CEP192: variants seen among roughly 807,000 people sequenced by gnomAD.
The protein encoded by CEP192 is centrosomal protein 192, also known as centrosomal protein of 192 kDa.
A neutral mutation model predicts 271.8 loss-of-function variants in CEP192; 151 were observed. That is an observed-to-expected ratio of 0.56 (90% CI 0.49 to 0.64). CEP192 has a LOEUF of 0.64. CEP192 is among the 30% of genes least tolerant of loss of function. The probability of loss-of-function intolerance (pLI) is 0.00; values close to 1 mark genes in which losing one functional copy is unlikely to be tolerated. For missense variants in CEP192, 2,910 were observed against 3,020.5 expected (o/e 0.96, Z 0.86); for synonymous variants, 995 against 1,076.5 (o/e 0.92, Z 1.48).
chr18:13,089,653 G>A (rs1428523335), intron 33 of CEP192, 88 bp downstream of exon 33: 8 of 655,294 alleles, frequency 1.2e-5, no homozygotes, highest in African/African-American at 1.1e-4. Context: ...TAAGAAGGAA[G>A]TGTTAGTTTA....
In CEP192 at chr18:13,087,593, A is replaced by G. The variant is rs770924556; in HGVS notation, c.5940A>G (p.Leu1980=). Residue 1980 remains leucine, a synonymous_variant, in exon 32 of 45, where the codon CTA becomes CTG. Transcript: ENST00000506447. ...RGINNKTATE[L]STVYLFGGDE... is the part of the protein sequence containing the mutation. ...TCAATAATAAAACTGCAACAGAACT[A>G]TCAACTGTATACTTATTTGGTGGAG... 32 of 1,587,202 alleles carry G rather than the reference A, an allele frequency of 2.0e-5. No homozygotes were observed. In the Middle Eastern group the frequency reaches 8.3e-4, roughly 41 times the overall value.
At chr18:13,034,534 G>A (rs1024894307) in intron 11 of CEP192, among the ~76,000 whole-genome samples, 1 of 151,970 alleles carries the variant, frequency 6.6e-6, no homozygotes, top group South Asian at 2.1e-4. Context: ...TCGGCCGGGC[G>A]CAGTGGCTTA....
chr18:13,001,367 G>T, intron 2 of CEP192, 90 bp from the exon 3 acceptor site: 2 of 818,194 alleles, frequency 2.4e-6, no homozygotes, highest in Non-Finnish European at 3.7e-6. Flanking sequence ...CCCGGTGGTT[G>T]GTTTTACTGT....
intron 9 of CEP192, among the ~76,000 whole-genome samples, chr18:13,027,144 A>G (rs1461184200): frequency 2.0e-5 from 3 of 152,104 alleles, no homozygotes. Context: ...CTTAGGATGG[A>G]CAGGGTGGCT....
At chr18:13,055,536 T>G (rs1389168386) in intron 18 of CEP192, among the ~76,000 whole-genome samples, 2 of 152,230 alleles carry the variant, frequency 1.3e-5, no homozygotes, top group South Asian at 4.1e-4. Context: ...TCAGATATTC[T>G]TAGTGTATAC....
At chr18:13,011,198 G>T (rs1413450918) in intron 4 of CEP192, among the ~76,000 whole-genome samples, 2 of 147,132 alleles carry the variant, frequency 1.4e-5, no homozygotes, top group South Asian at 2.2e-4. Context: ...CTGCATTCCA[G>T]CCTGGGTGAC....
intron 30 of CEP192, among the ~76,000 whole-genome samples, chr18:13,086,491 G>A (rs1251101894): frequency 2.0e-5 from 3 of 152,048 alleles, no homozygotes; most frequent in African/African-American, 7.2e-5. Flanking sequence ...ACCCTGCTTC[G>A]GCTCACCCTC....
At chr18:13,044,667 A>G (rs1020186495) in intron 15 of CEP192, among the ~76,000 whole-genome samples, 1 of 152,154 alleles carries the variant, frequency 6.6e-6, no homozygotes, top group African/African-American at 2.4e-5. Flanking sequence ...TAGGGTTGTA[A>G]TGTGTTATCT....
At chr18:13,087,703 T>A in intron 32 of CEP192, 57 bp downstream of exon 32, 1 of 822,788 alleles carries the variant, frequency 1.2e-6, no homozygotes, top group Non-Finnish European at 1.8e-6. Context: ...AATGAAGGCT[T>A]CTGTGGCTTG....
intron 44 of CEP192, among the ~76,000 whole-genome samples, chr18:13,119,867 T>C (rs1274421244): frequency 6.6e-6 from 1 of 152,238 alleles, no homozygotes; most frequent in African/African-American, 2.4e-5. Context: ...CTCATCCTCA[T>C]CTGTAGTTTT....
In CEP192 at chr18:13,045,336, G is replaced by A. The variant is rs570687538; in HGVS notation, c.2067+3002G>A. Among the ~76,000 whole-genome samples, 8 of 152,158 alleles carry A rather than the reference G, an allele frequency of 5.3e-5. No individual in the cohort carries two copies. In the East Asian group the frequency reaches 9.6e-4, roughly 18 times the overall value. On this transcript the variant is annotated intron_variant, in intron 15 of 44. Coordinates refer to ENST00000506447, the MANE Select transcript of CEP192 (RefSeq NM_032142.4). ...TTTTCTGCCTTCCTGCTTTTTCAGC[G>A]GTGTAAGTGCATGGGATACGTGTAG...
chr18:13,039,770 GC>G (rs2036106605), intron 13 of CEP192, among the ~76,000 whole-genome samples: 1 of 152,206 alleles, frequency 6.6e-6, no homozygotes, highest in South Asian at 2.1e-4. Context: ...TCCAGGTGCA[GC>G]AGCCTGCCGC....
At chr18:13,072,951 G>A in intron 29 of CEP192, 58 bp from the exon 30 acceptor site, 2 of 1,555,402 alleles carry the variant, frequency 1.3e-6, no homozygotes, top group Non-Finnish European at 1.8e-6. Context: ...TGTGTTAATG[G>A]TATGTTTTAT....
Position 13,099,538 on chromosome 18 carries a change from C to G in CEP192, c.6620C>G (p.Pro2207Arg). ...SSLSTKQSMF[P>R]WSGLIYIHCD... ...TTATCCACAAAACAGTCAATGTTCC[C>G]GTGGAGTGGTTTGATCTATATACAC... Residue 2207 changes from proline to arginine, a missense_variant, in exon 37 of 45, where the codon CCG becomes CGG. Coordinates refer to ENST00000506447, the MANE Select transcript of CEP192 (RefSeq NM_032142.4). 6.2e-7 allele frequency: 1 copy of G among 1,604,446 alleles called. No homozygotes were observed. The highest frequency in any genetic ancestry group is 8.5e-7 in the Non-Finnish European group (1 of 1,175,930).
At chr18:13,092,982 G>A (rs1473930236) in intron 34 of CEP192, among the ~76,000 whole-genome samples, 5 of 152,012 alleles carry the variant, frequency 3.3e-5, no homozygotes, top group Admixed American at 6.6e-5. Flanking sequence ...GTGAAACCCC[G>A]TCTCTACTAA....
At chr18:13,000,328 T>G (rs889847786) in intron 2 of CEP192, 2 of 152,068 alleles carry the variant, frequency 1.3e-5, no homozygotes, top group Non-Finnish European at 2.9e-5. Context: ...GCAACACAGA[T>G]TCTCAAAAGA....
At chr18:13,080,381 T>A (rs71233116) in intron 30 of CEP192, among the ~76,000 whole-genome samples, 1,699 of 152,308 alleles carry the variant, frequency 0.011, 21 homozygotes, top group East Asian at 0.037. Flanking sequence ...TCCTAGATAT[T>A]TCATTCTCTT....
In CEP192 at chr18:13,100,308, A is replaced by C; in HGVS notation, c.6667A>C (p.Ile2223Leu). The C allele has an allele frequency of 6.2e-7, 1 of 1,612,876 alleles. No homozygotes were observed. Among genetic ancestry groups the C allele is most frequent in the Non-Finnish European group, 8.5e-7 (1 of 1,178,898 alleles). ...CCCTTTATTTGGCTCATTTCAGAAA[A>C]TTGTGAAAGTTCAAATTCGAGAAGA... ...YIHCDDGQKK[I>L]VKVQIREDLT... The change falls in exon 38 of 45, where the codon ATT (isoleucine) becomes CTT (leucine). Residue 2223 changes from isoleucine to leucine, a missense_variant. Ile to Leu is a conservative substitution (Grantham distance 5, BLOSUM62 2). Coordinates refer to ENST00000506447, the MANE Select transcript of CEP192 (RefSeq NM_032142.4).
chr18:13,112,593 C>T (rs891830575), intron 40 of CEP192, among the ~76,000 whole-genome samples: 3 of 152,130 alleles, frequency 2.0e-5, no homozygotes, highest in Non-Finnish European at 4.4e-5. Flanking sequence ...TTTATAGTCC[C>T]GTAGTCCCCA....
Sources: gnomAD v4.1 joint callset for allele counts (sites outside exome capture counted in the v4.1 genomes callset) on GRCh38, gnomAD v4.1.1 for gene constraint, MANE v1.5 for transcripts, NCBI Gene and HGNC (gene_info 2026-07-23, HGNC 2026-07-21) for gene names.